SCN7A: variants seen among roughly 807,000 people sequenced by gnomAD.
The protein encoded by SCN7A is sodium voltage-gated channel alpha subunit 7, also known as sodium channel protein type 7 subunit alpha.
A neutral mutation model predicts 155.2 loss-of-function variants in SCN7A; 138 were observed. That is an observed-to-expected ratio of 0.89 (90% CI 0.77 to 1.02). The LOEUF (loss-of-function observed/expected upper bound fraction) is 1.02. Among genes scored for constraint, SCN7A ranks in the 50% least tolerant of loss-of-function variants. SCN7A has a pLI of 0.00. For synonymous variants in SCN7A, 693 were observed against 649.0 expected, an observed-to-expected ratio of 1.07 and a Z score of -1.03; for missense variants, 2,058 against 1,986.6, an observed-to-expected ratio of 1.04 and a Z score of -0.68.
intron 2 of SCN7A, among the ~76,000 whole-genome samples, chr2:166,483,914 A>G (rs11687273): frequency 0.16 from 23,698 of 151,848 alleles, 2,028 homozygotes; most frequent in East Asian, 0.33. Context: ...AAGTCAACAT[A>G]TATCTCAGGT....
In SCN7A at chr2:166,415,079, G is replaced by T. The variant is rs572079430; in HGVS notation, c.3414+1628C>A. On this transcript the variant is annotated intron_variant, in intron 21 of 25. Coordinates refer to ENST00000643258, the MANE Select transcript of SCN7A (RefSeq NM_002976.4). The stretch of plus-strand genomic sequence containing the variant: ...ATCCTATTAGTTCTGTCCCTCTAGG[G>T]AAGCCTGACTAATACATTACCCTAT... Among the ~76,000 whole-genome samples, 7 of 145,946 alleles carry T rather than the reference G, an allele frequency of 4.8e-5. No individual in the cohort carries two copies. The South Asian group carries it at 1.5e-3, about 31-fold the overall frequency.
At chr2:166,410,605 G>T (rs1701181276) in intron 23 of SCN7A, among the ~76,000 whole-genome samples, 1 of 151,832 alleles carries the variant, frequency 6.6e-6, no homozygotes, top group Non-Finnish European at 1.5e-5. Flanking sequence ...TTGTAAAAGA[G>T]GACAAAGGAG....
chr2:166,453,951 T>C (rs1383738125), intron 11 of SCN7A, among the ~76,000 whole-genome samples: 1 of 152,118 alleles, frequency 6.6e-6, no homozygotes, highest in Non-Finnish European at 1.5e-5. Context: ...TTCTTCATGA[T>C]AAAATGTTCT....
Position 166,405,632 on chromosome 2 carries a change from CCTT to C in SCN7A, c.4994_4996del (p.Glu1665del). The C allele has an allele frequency of 5.0e-6, 8 of 1,607,944 alleles. No homozygotes were observed. The highest frequency in any genetic ancestry group is 6.8e-6 in the Non-Finnish European group (8 of 1,177,350). ...TTCCTTAGCTTTGTCAAAATAGGCA[CCTT>C]CTTTAGTAGCATGAACATCTCTGTC... On this transcript the variant is annotated inframe_deletion, in exon 26 of 26. Transcript: ENST00000643258.
Position 166,429,272 on chromosome 2 carries a change from T to A in SCN7A, c.2595A>T (p.Lys865Asn). Residue 865 changes from lysine (K) to asparagine (N), a missense_variant and splice_region_variant, in exon 17 of 26, where the codon AAA (lysine) becomes AAT (asparagine). Lys to Asn is a moderately conservative substitution (Grantham distance 94). Transcript: ENST00000643258. ...ATTCAGATGAGCTAGATTGCTTTATTTTCTAAAAGGTGAAGTCCCACCAAA... is the reference window on the plus strand; with the variant it reads ...ATTCAGATGAGCTAGATTGCTTTATATTCTAAAAGGTGAAGTCCCACCAAA... ...SKSGDGGSKE[K>N]IKQSSSSECS... 1 of 1,520,556 alleles carries A rather than the reference T, an allele frequency of 6.6e-7. No individual in the cohort carries two copies. Among genetic ancestry groups the A allele is most frequent in the East Asian group, 2.5e-5 (1 of 40,148 alleles). The allele number at this position is 1,520,556 out of a possible 1,614,324, so 94.2% of individuals were successfully genotyped here.
rs1171408518 is a variant in SCN7A, at chr2:166,477,484, T to G, written c.213A>C (p.Pro71=). 2 of 1,532,162 alleles carry G rather than the reference T, an allele frequency of 1.3e-6. No individual in the cohort carries two copies. Among genetic ancestry groups the G allele is most frequent in the Non-Finnish European group, 1.8e-6 (2 of 1,139,020 alleles). The allele number at this position is 1,532,162 out of a possible 1,614,324, so 94.9% of individuals were successfully genotyped here. A position where few individuals can be genotyped will look rare whatever the true frequency, so the allele number is the denominator to read the frequency against. The part of the protein sequence containing the change: ...MVSEPLEDVD[P]YYYKKKNTFI... ...TCACATTTTTTTTCTTGTAGTAATA[T>G]GGGTCCACATCTTCCAAGGGCTCTG... is the stretch of plus-strand genomic sequence containing the variant. The change falls in exon 3 of 26, where the codon CCA becomes CCC. Residue 71 remains proline (P), a synonymous_variant. Transcript: ENST00000643258.
intron 1 of SCN7A, among the ~76,000 whole-genome samples, chr2:166,487,828 A>G (rs1237900334): frequency 6.6e-6 from 1 of 152,232 alleles, no homozygotes; most frequent in African/African-American, 2.4e-5. Flanking sequence ...TAGACTGAGG[A>G]TAATATTGCA....
chr2:166,459,763 T>C (rs1433626536), intron 10 of SCN7A, among the ~76,000 whole-genome samples: 1 of 152,164 alleles, frequency 6.6e-6, no homozygotes, highest in Non-Finnish European at 1.5e-5. Flanking sequence ...AAAGAAAATG[T>C]GGCACATATA....
chr2:166,406,279 G>A lies in SCN7A; in HGVS notation c.4350C>T (p.Asp1450=). ...CAGGGTTAATTTTATCAGGATCACAGTCAGACCATTTACTGTTGAAAATTG... is the reference window on the plus strand; with the variant it reads ...CAGGGTTAATTTTATCAGGATCACAATCAGACCATTTACTGTTGAAAATTG... ...LDAIFNSKWS[D]CDPDKINPGT... is the part of the protein sequence containing the mutation. The change falls in exon 26 of 26, where the codon GAC becomes GAT. Residue 1450 remains aspartate, a synonymous_variant. Coordinates refer to ENST00000643258, the MANE Select transcript of SCN7A (RefSeq NM_002976.4). The A allele has an allele frequency of 1.2e-6, 2 of 1,613,154 alleles. No homozygotes were observed. Among genetic ancestry groups the A allele is most frequent in the Middle Eastern group, 3.3e-4 (2 of 6,056 alleles).
At chr2:166,413,858 T>C (rs1701255518) in intron 21 of SCN7A, among the ~76,000 whole-genome samples, 2 of 148,714 alleles carry the variant, frequency 1.3e-5, no homozygotes, top group African/African-American at 5.0e-5. Flanking sequence ...TTCTTCAGTT[T>C]TGAGACTCGG....
Position 166,427,042 on chromosome 2 carries a change from T to C in SCN7A, c.2853+746A>G, listed in dbSNP as rs530150443. ...AATATACATTCTATTTTTATTCCTT[T>C]CCTATATAAAAGGCAGAGTGCCATA... On this transcript the variant is annotated intron_variant, in intron 18 of 25. Coordinates refer to ENST00000643258, the MANE Select transcript of SCN7A (RefSeq NM_002976.4). Among the ~76,000 whole-genome samples, 164 of 152,084 alleles carry C rather than the reference T, an allele frequency of 1.1e-3. 1 individual carries two copies. Among genetic ancestry groups the C allele is most frequent in the Non-Finnish European group, 1.6e-3 (111 of 68,006 alleles).
intron 10 of SCN7A, among the ~76,000 whole-genome samples, chr2:166,461,448 C>G (rs573728384): frequency 1.3e-5 from 2 of 152,006 alleles, no homozygotes; most frequent in African/African-American, 4.8e-5. Flanking sequence ...TAATTAGTTA[C>G]GAATACAGAC....
chr2:166,427,742 AC>A, intron 18 of SCN7A, 45 bp downstream of exon 18: 1 of 1,537,166 alleles, frequency 6.5e-7, no homozygotes. Flanking sequence ...GAATCATGAT[AC>A]ATTTGTCCCC....
Position 166,406,372 on chromosome 2 carries a change from G to A in SCN7A, c.4257C>T (p.Thr1419=). The stretch of plus-strand genomic sequence containing the variant: ...AAAGACAGAGCATACTGTTGCCAAA[G>A]GTTTCAAAATTAGACACATCATTAA... ...AGINDVSNFE[T]FGNSMLCLFQ... is the part of the protein sequence containing the mutation. The change falls in exon 26 of 26, where the codon ACC becomes ACT. Residue 1419 remains threonine (T), a synonymous_variant. Coordinates refer to ENST00000643258, the MANE Select transcript of SCN7A (RefSeq NM_002976.4). 6.2e-7 allele frequency: 1 copy of A among 1,612,994 alleles called. No homozygotes were observed. The highest frequency in any genetic ancestry group is 8.5e-7 in the Non-Finnish European group (1 of 1,179,372).
Position 166,410,247 on chromosome 2 carries a change from A to T in SCN7A, c.3684T>A (p.Asp1228Glu), listed in dbSNP as rs1312668393. Residue 1228 changes from aspartate to glutamate, a missense_variant, in exon 24 of 26, where the codon GAT becomes GAA. By Grantham distance (45) the Asp-to-Glu change is conservative. Transcript: ENST00000643258. ...ATGGGCGAGGTACTGGTCTTTGAGA[A>T]TCCTCATACATTAGCTTCTTCAGCC... Reference protein sequence around the residue: ...YRRLKKLMYEDSQRPVPRPLN... With the variant: ...YRRLKKLMYEESQRPVPRPLN... The T allele has an allele frequency of 4.5e-6, 7 of 1,554,900 alleles. No homozygotes were observed. Among genetic ancestry groups the T allele is most frequent in the Non-Finnish European group, 6.1e-6 (7 of 1,147,840 alleles).
rs1445429261 is a variant in SCN7A, at chr2:166,444,714, G to A, written c.1626+48C>T. 11 of 1,083,336 alleles carry A rather than the reference G, an allele frequency of 1.0e-5. No homozygotes were observed. The Admixed American group carries it at 2.2e-4, about 21-fold the overall frequency. 67.1% of individuals were successfully genotyped at this position (1,083,336 alleles called of 1,614,324 possible). A position where few individuals can be genotyped will look rare whatever the true frequency, so the allele number is the denominator to read the frequency against. ...AATGATGAACAAAGAAAAGTTCAAT[G>A]ATAACTAAGAAACTGCAAATGAAAA... is the stretch of plus-strand genomic sequence containing the variant. On this transcript the variant is annotated intron_variant, in intron 13 of 25. Coordinates refer to ENST00000643258, the MANE Select transcript of SCN7A (RefSeq NM_002976.4).
chr2:166,414,324 A>G (rs1701310034), intron 21 of SCN7A, among the ~76,000 whole-genome samples: 1 of 111,468 alleles, frequency 9.0e-6, no homozygotes, highest in African/African-American at 3.7e-5. Context: ...ACATATATAT[A>G]TATATATGAA....
At position 166,470,637 on chromosome 2, in the gene SCN7A, T is replaced by A. The variant is rs1702633173; in HGVS notation, c.642A>T (p.Leu214Phe). 6.2e-7 allele frequency: 1 copy of A among 1,607,490 alleles called. No individual in the cohort carries two copies. The highest frequency in any genetic ancestry group is 1.1e-5 in the South Asian group (1 of 90,474). Residue 214 changes from leucine (L) to phenylalanine (F), a missense_variant, in exon 7 of 26, where the codon TTA (leucine) becomes TTT (phenylalanine). Transcript: ENST00000643258. ...TACCTTGATTTAAAGGAATAATTTT[T>A]AAAATTCTCAAAGTTCTTGCAGTTT... The part of the protein sequence containing the change: ...TLQTARTLRI[L>F]KIIPLNQGLK...
rs764172348 is a variant in SCN7A, at chr2:166,406,213, C to A, written c.4416G>T (p.Gly1472=). The change falls in exon 26 of 26, where the codon GGG becomes GGT. Residue 1472 remains glycine, a synonymous_variant. Coordinates refer to ENST00000643258, the MANE Select transcript of SCN7A (RefSeq NM_002976.4). ...GGATATAACTGACAAAATAAAAAAT[C>A]CCAACAGAGGGGTTCCCACAATCTC... ...VRGDCGNPSV[G]IFYFVSYILI... is the part of the protein sequence containing the mutation. 1.6e-5 allele frequency: 25 copies of A among 1,612,866 alleles called. No homozygotes were observed. The highest frequency in any genetic ancestry group is 2.1e-5 in the Non-Finnish European group (25 of 1,179,498).
Sources: allele counts gnomAD v4.1 joint callset (sites outside exome capture counted in the v4.1 genomes callset), GRCh38; gene constraint gnomAD v4.1.1; transcripts MANE v1.5; gene names NCBI Gene and HGNC (gene_info 2026-07-23, HGNC 2026-07-21).